GRIN2B: variants seen among roughly 807,000 people sequenced by gnomAD.
GRIN2B encodes glutamate ionotropic receptor NMDA type subunit 2B, also known as glutamate receptor ionotropic, NMDA 2B.
Under a neutral mutation model 114.5 loss-of-function variants are expected in GRIN2B, and 5 were observed. That is an observed-to-expected ratio of 0.04 (90% CI 0.02 to 0.09). The LOEUF (loss-of-function observed/expected upper bound fraction) is 0.09, where lower values mean the gene tolerates loss of function less well. GRIN2B is among the 10% of genes least tolerant of loss of function. GRIN2B has a pLI of 1.00. For synonymous variants in GRIN2B, 787 were observed against 745.1 expected, an observed-to-expected ratio of 1.06 and a Z score of -0.92; for missense variants, 1,108 against 1,943.5, an observed-to-expected ratio of 0.57 and a Z score of 8.08.
At chr12:13,775,183 T>C (rs1863981638) in intron 3 of GRIN2B, among the ~76,000 whole-genome samples, 1 of 152,088 alleles carries the variant, frequency 6.6e-6, no homozygotes. Context: ...AAACACTGGG[T>C]TAAAGGCTGA....
chr12:13,885,425 C>T (rs1192027541), intron 2 of GRIN2B, among the ~76,000 whole-genome samples: 1 of 152,180 alleles, frequency 6.6e-6, no homozygotes, highest in Non-Finnish European at 1.5e-5. Context: ...ATCTTCCTCA[C>T]TAGCCGGGTG....
At chr12:13,629,685 T>A (rs887768501) in intron 5 of GRIN2B, among the ~76,000 whole-genome samples, 8 of 152,080 alleles carry the variant, frequency 5.3e-5, no homozygotes, top group African/African-American at 1.7e-4. Context: ...TCCCTCTCTC[T>A]TTTCCTCTCT....
intron 3 of GRIN2B, among the ~76,000 whole-genome samples, chr12:13,795,124 C>G (rs1195394439): frequency 1.3e-5 from 2 of 152,022 alleles, no homozygotes; most frequent in Non-Finnish European, 2.9e-5. Flanking sequence ...TAATTAGAAC[C>G]AAACAAGAAA....
chr12:13,661,341 TGACA>T (rs1949920833), intron 5 of GRIN2B, among the ~76,000 whole-genome samples: 1 of 152,228 alleles, frequency 6.6e-6, no homozygotes, highest in Admixed American at 6.5e-5. Context: ...TTTCATTGTC[TGACA>T]AACAGAAAAC....
At chr12:13,925,024 G>T (rs564545737) in intron 2 of GRIN2B, among the ~76,000 whole-genome samples, 1 of 152,052 alleles carries the variant, frequency 6.6e-6, no homozygotes, top group Non-Finnish European at 1.5e-5. Context: ...AAACCTCAAA[G>T]GACAAAGAAA....
In GRIN2B at chr12:13,753,178, C is replaced by T; in HGVS notation, c.1010+139G>A. 1.3e-6 allele frequency: 1 copy of T among 761,986 alleles called. No homozygotes were observed. The highest frequency in any genetic ancestry group is 1.4e-5 in the South Asian group (1 of 71,986). 47.2% of individuals were successfully genotyped at this position (761,986 alleles called of 1,614,324 possible). On this transcript the variant is annotated intron_variant, in intron 4 of 13. Transcript: ENST00000609686. This position sits in a 1 kb window ranked among gnomAD's most constrained non-coding sequence, Gnocchi z 6.2. The stretch of plus-strand genomic sequence containing the variant: ...ATCCAAAACACTCCCCCAATCATGA[C>T]CAATTGCCATGCCCAAGGCCAGGCT...
intron 4 of GRIN2B, among the ~76,000 whole-genome samples, chr12:13,679,127 T>G (rs1484200433): frequency 6.6e-6 from 1 of 152,072 alleles, no homozygotes; most frequent in Non-Finnish European, 1.5e-5. Context: ...ATAAATTATC[T>G]GGTGTAAGCA....
At chr12:13,573,340 A>G (rs1948730744) in intron 10 of GRIN2B, among the ~76,000 whole-genome samples, 1 of 148,488 alleles carries the variant, frequency 6.7e-6, no homozygotes, top group African/African-American at 2.5e-5. Context: ...AGTCCCAGCT[A>G]CTCCGGAGGC....
intron 4 of GRIN2B, among the ~76,000 whole-genome samples, chr12:13,703,919 C>A (rs901169907): frequency 2.5e-4 from 38 of 152,232 alleles, no homozygotes; most frequent in African/African-American, 9.1e-4. Context: ...TCAACTCATA[C>A]AGAAATATAC....
chr12:13,573,848 C>T (rs1948738603), intron 10 of GRIN2B, among the ~76,000 whole-genome samples: 1 of 152,162 alleles, frequency 6.6e-6, no homozygotes, highest in Non-Finnish European at 1.5e-5. Context: ...TTGCTCAGTG[C>T]TGGCCATGGT....
intron 3 of GRIN2B, among the ~76,000 whole-genome samples, chr12:13,784,020 G>A (rs779487453): frequency 1.1e-4 from 17 of 151,880 alleles, no homozygotes; most frequent in Non-Finnish European, 2.1e-4. Context: ...TCAGGAGATC[G>A]AGACCATCCT....
chr12:13,726,975 C>T (rs1246288177), intron 4 of GRIN2B, among the ~76,000 whole-genome samples: 7 of 152,118 alleles, frequency 4.6e-5, no homozygotes, highest in Non-Finnish European at 1.5e-5. Flanking sequence ...AATCCTTTCA[C>T]AGAACAGTTA....
rs760442573 is a variant in GRIN2B at position 13,559,697 on chromosome 12, C to T, written c.*3086G>A. The T allele has an allele frequency of 6.6e-6, 1 of 152,184 alleles. No individual in the cohort carries two copies. Among genetic ancestry groups the T allele is most frequent in the Non-Finnish European group, 1.5e-5 (1 of 68,036 alleles). 9.4% of individuals were successfully genotyped at this position (152,184 alleles called of 1,614,324 possible). A position where few individuals can be genotyped will look rare whatever the true frequency, so the allele number is the denominator to read the frequency against. On this transcript the variant is annotated 3_prime_UTR_variant, in exon 14 of 14. Coordinates refer to ENST00000609686, the MANE Select transcript of GRIN2B (RefSeq NM_000834.5). Reference sequence around the variant, plus strand: ...CATATCCAGCACTACCTCTCTGTGACCAGATATCACATGCTTCAAAAAGTA... The same window carrying T: ...CATATCCAGCACTACCTCTCTGTGATCAGATATCACATGCTTCAAAAAGTA...
intron 2 of GRIN2B, among the ~76,000 whole-genome samples, chr12:13,942,097 C>T (rs1192353319): frequency 6.6e-6 from 1 of 152,190 alleles, no homozygotes; most frequent in Non-Finnish European, 1.5e-5. Context: ...AACCTCTCTC[C>T]ATGACCACCA....
rs1303492277 is a variant in GRIN2B at position 13,560,548 on chromosome 12, G to A, written c.*2235C>T. 1 of 152,224 alleles carries A rather than the reference G, an allele frequency of 6.6e-6. No homozygotes were observed. Among genetic ancestry groups the A allele is most frequent in the Admixed American group, 6.5e-5 (1 of 15,282 alleles). 9.4% of individuals were successfully genotyped at this position (152,224 alleles called of 1,614,324 possible). A position where few individuals can be genotyped will look rare whatever the true frequency, so the allele number is the denominator to read the frequency against. ...TGAGGTAAGAGGAAGATGAGGGGAT[G>A]AGTCCCTGACCCCTGGACAGAGTCA... is the stretch of plus-strand genomic sequence containing the variant. On this transcript the variant is annotated 3_prime_UTR_variant, in exon 14 of 14. Coordinates refer to ENST00000609686, the MANE Select transcript of GRIN2B (RefSeq NM_000834.5).
At chr12:13,663,177 TC>T (rs1213469360) in intron 5 of GRIN2B, among the ~76,000 whole-genome samples, 1 of 152,088 alleles carries the variant, frequency 6.6e-6, no homozygotes, top group Non-Finnish European at 1.5e-5. Context: ...CATTCACCAC[TC>T]CCCTCACCTA....
chr12:13,849,122 A>AGCCT (rs1865516090), intron 3 of GRIN2B, among the ~76,000 whole-genome samples: 1 of 152,168 alleles, frequency 6.6e-6, no homozygotes. Context: ...CGTCTGTATC[A>AGCCT]GCCTCTTCTG....
Position 13,542,750 on chromosome 12 carries a change from C to G in GRIN2B, c.*20033G>C, listed in dbSNP as rs566981741. On this transcript the variant is annotated 3_prime_UTR_variant, in exon 14 of 14. Transcript: ENST00000609686. ...TCCCTTCCTTTACCAACTCCCAAAT[C>G]CTGCCTAAGAATCAGTGGTTCATCA... 4 of 152,486 alleles carry G rather than the reference C, an allele frequency of 2.6e-5. No individual in the cohort carries two copies. Among genetic ancestry groups the G allele is most frequent in the South Asian group, 2.1e-4 (1 of 4,828 alleles). The allele number at this position is 152,486 out of a possible 1,614,324, so 9.4% of individuals were successfully genotyped here.
intron 5 of GRIN2B, among the ~76,000 whole-genome samples, 187 bp from the exon 6 acceptor site, chr12:13,616,844 G>A (rs1273016942): frequency 6.6e-6 from 1 of 152,234 alleles, no homozygotes; most frequent in Non-Finnish European, 1.5e-5. Context: ...GTGTCCAAAT[G>A]TAAGAAAGGC....
Sources: gnomAD v4.1 joint callset for allele counts (sites outside exome capture counted in the v4.1 genomes callset) on GRCh38, gnomAD v4.1.1 for gene constraint, Gnocchi (gnomAD v3.1) non-coding constraint, MANE v1.5 for transcripts, NCBI Gene and HGNC (gene_info 2026-07-23, HGNC 2026-07-21) for gene names.